Variants in GALNTL6 observed in about 807,000 individuals in gnomAD.
GALNTL6 encodes polypeptide N-acetylgalactosaminyltransferase-like 6.
In GALNTL6, 46 loss-of-function variants were observed where a neutral mutation model predicts 73.7. The ratio of observed to expected loss-of-function variants is 0.62; its 90% CI spans 0.49 to 0.80. GALNTL6 has a LOEUF of 0.80. GALNTL6 is among the 30% of genes least tolerant of loss of function. The probability of loss-of-function intolerance (pLI) is 0.00; values close to 1 mark genes in which losing one functional copy is unlikely to be tolerated. For missense variants in GALNTL6, 604 were observed against 755.0 expected, an observed-to-expected ratio of 0.80 and a Z score of 2.34; for synonymous variants, 259 against 263.7, an observed-to-expected ratio of 0.98 and a Z score of 0.17.
chr4:172,915,850 T>C (rs1579649172), intron 8 of GALNTL6, among the ~76,000 whole-genome samples: 2 of 152,138 alleles, frequency 1.3e-5, no homozygotes, highest in South Asian at 4.1e-4. Flanking sequence ...CTTCTGAAAC[T>C]ATTCCAAAAA....
intron 5 of GALNTL6, among the ~76,000 whole-genome samples, chr4:172,606,593 CACATATAT>C (rs1337816197): frequency 9.6e-5 from 11 of 114,634 alleles, no homozygotes; most frequent in African/African-American, 3.0e-4. Flanking sequence ...TATATATATA[CACATATAT>C]ACATATATAC....
intron 3 of GALNTL6, among the ~76,000 whole-genome samples, chr4:172,269,752 T>A (rs997612077): frequency 1.3e-5 from 2 of 152,026 alleles, no homozygotes; most frequent in Admixed American, 6.6e-5. Context: ...TTAATTTTTT[T>A]ATTTTTTTTT....
chr4:172,272,524 C>T (rs974144872), intron 3 of GALNTL6, among the ~76,000 whole-genome samples: 2 of 152,100 alleles, frequency 1.3e-5, no homozygotes, highest in East Asian at 1.9e-4. Flanking sequence ...TGGATATAAA[C>T]ATGTCTAAAC....
At chr4:172,187,734 T>C (rs1476807102) in intron 2 of GALNTL6, among the ~76,000 whole-genome samples, 17 of 152,144 alleles carry the variant, frequency 1.1e-4, no homozygotes, top group Non-Finnish European at 2.5e-4. Context: ...ATTATGGTTA[T>C]GTGGCCTTAA....
intron 8 of GALNTL6, among the ~76,000 whole-genome samples, chr4:172,908,609 A>AGTGT (rs200044918): frequency 0.035 from 5,138 of 145,912 alleles, 101 homozygotes; most frequent in Non-Finnish European, 0.041. Flanking sequence ...CATGAGCGTG[A>AGTGT]GTGTGTGTGT....
intron 5 of GALNTL6, among the ~76,000 whole-genome samples, chr4:172,423,076 C>A (rs139760276): frequency 1.3e-5 from 2 of 151,962 alleles, no homozygotes; most frequent in African/African-American, 4.8e-5. Context: ...ACCAGGAAAT[C>A]AGTTTGGTTT....
intron 7 of GALNTL6, among the ~76,000 whole-genome samples, chr4:172,847,931 T>A (rs571209980): frequency 1.3e-5 from 2 of 152,290 alleles, no homozygotes; most frequent in South Asian, 4.1e-4. Context: ...GAGAGCTACT[T>A]AGAGCTCAGT....
chr4:171,923,746 C>T (rs1437238194), intron 2 of GALNTL6, among the ~76,000 whole-genome samples: 3 of 149,020 alleles, frequency 2.0e-5, no homozygotes, highest in Non-Finnish European at 4.4e-5. Flanking sequence ...CCATTTGCAA[C>T]TCTTCTCCTT....
chr4:171,890,003 G>A (rs1227320646), intron 2 of GALNTL6, among the ~76,000 whole-genome samples: 1 of 152,114 alleles, frequency 6.6e-6, no homozygotes, highest in Non-Finnish European at 1.5e-5. Flanking sequence ...GAAAGTCCAG[G>A]AGAAAGACTT....
At chr4:172,559,819 A>G (rs1434137377) in intron 5 of GALNTL6, among the ~76,000 whole-genome samples, 1 of 152,232 alleles carries the variant, frequency 6.6e-6, no homozygotes, top group Non-Finnish European at 1.5e-5. Context: ...TAAACATATT[A>G]TCATGGCAAT....
chr4:172,596,037 G>A (rs1042673468), intron 5 of GALNTL6, among the ~76,000 whole-genome samples: 2 of 152,122 alleles, frequency 1.3e-5, no homozygotes, highest in Non-Finnish European at 2.9e-5. Context: ...GTGTTATGCA[G>A]TTTTTGAAAG....
intron 2 of GALNTL6, among the ~76,000 whole-genome samples, chr4:172,207,065 C>T (rs1350830423): frequency 1.3e-5 from 2 of 151,678 alleles, no homozygotes; most frequent in South Asian, 2.1e-4. Context: ...GATCCGCCCC[C>T]CTTGGCCTCC....
intron 2 of GALNTL6, among the ~76,000 whole-genome samples, chr4:171,966,453 G>A (rs1739383928): frequency 6.6e-6 from 1 of 152,134 alleles, no homozygotes; most frequent in African/African-American, 2.4e-5. Flanking sequence ...CGCTAAAGGT[G>A]GGCTCCAGGT....
chr4:171,913,273 C>T (rs1737524676), intron 2 of GALNTL6, among the ~76,000 whole-genome samples: 1 of 152,174 alleles, frequency 6.6e-6, no homozygotes, highest in Admixed American at 6.5e-5. Context: ...CAGCTAAATA[C>T]TGGAAAGAGG....
chr4:172,247,465 A>G (rs1476778805), intron 3 of GALNTL6, among the ~76,000 whole-genome samples: 1 of 152,196 alleles, frequency 6.6e-6, no homozygotes, highest in African/African-American at 2.4e-5. Flanking sequence ...TCACACAGAG[A>G]GCCTCATACA....
chr4:172,351,102 C>CTATATATAGTATAATATA (rs1489443439), intron 5 of GALNTL6, among the ~76,000 whole-genome samples: 10 of 152,074 alleles, frequency 6.6e-5, no homozygotes, highest in Non-Finnish European at 1.2e-4. Context: ...AAATACTCTA[C>CTATATATAGTATAATATA]TACTACTATA....
chr4:171,899,119 A>ACTAAATAAAAATTTAGTATTAATG (rs1737007869), intron 2 of GALNTL6, among the ~76,000 whole-genome samples: 1 of 40,776 alleles, frequency 2.5e-5, no homozygotes, highest in Non-Finnish European at 4.9e-5. Flanking sequence ...TAGTATTAAT[A>ACTAAATAAAAATTTAGTATTAATG]TCTATACAAA....
intron 5 of GALNTL6, among the ~76,000 whole-genome samples, chr4:172,794,251 C>T (rs1193130605): frequency 6.6e-6 from 1 of 152,196 alleles, no homozygotes; most frequent in African/African-American, 2.4e-5. Flanking sequence ...TTTGGGGGAG[C>T]TCTCTGGCTT....
At chr4:171,880,675 A>G (rs1736421916) in intron 2 of GALNTL6, among the ~76,000 whole-genome samples, 1 of 152,202 alleles carries the variant, frequency 6.6e-6, no homozygotes, top group Non-Finnish European at 1.5e-5. Context: ...CAAAGCAGAA[A>G]TGAAAGGTCA....
Sources: allele counts gnomAD v4.1 joint callset (sites outside exome capture counted in the v4.1 genomes callset), GRCh38; gene constraint gnomAD v4.1.1; transcripts MANE v1.5; gene names NCBI Gene and HGNC (gene_info 2026-07-23, HGNC 2026-07-21).